SLC9A4: variants seen among roughly 807,000 people sequenced by gnomAD.
The protein encoded by SLC9A4 is sodium/hydrogen exchanger 4.
In SLC9A4, 63 loss-of-function variants were observed where a neutral mutation model predicts 67.4. The observed-to-expected ratio is 0.93, with a 90% CI of 0.76 to 1.15. The LOEUF (loss-of-function observed/expected upper bound fraction) is 1.15. SLC9A4 is among the 50% of genes most tolerant of loss of function. The probability of loss-of-function intolerance (pLI) is 0.00; values close to 1 mark genes in which losing one functional copy is unlikely to be tolerated. For missense variants in SLC9A4, 1,089 were observed against 987.7 expected (o/e 1.10, Z -1.38); for synonymous variants, 393 against 367.2 (o/e 1.07, Z -0.80).
intron 9 of SLC9A4, among the ~76,000 whole-genome samples, chr2:102,522,415 G>A (rs1322756615): frequency 2.0e-5 from 3 of 152,128 alleles, no homozygotes; most frequent in Non-Finnish European, 2.9e-5. Flanking sequence ...GGAGAGGAGC[G>A]AAGACACTTG....
chr2:102,527,852 G>A (rs899071601), intron 11 of SLC9A4, among the ~76,000 whole-genome samples: 6 of 151,950 alleles, frequency 3.9e-5, no homozygotes, highest in African/African-American at 1.2e-4. Flanking sequence ...TTCACATTTT[G>A]GAAACAATGA....
chr2:102,518,094 G>T (rs1054984843), intron 8 of SLC9A4, among the ~76,000 whole-genome samples: 1 of 152,108 alleles, frequency 6.6e-6, no homozygotes, highest in Non-Finnish European at 1.5e-5. Flanking sequence ...CCATAGCTGC[G>T]GCTTCTCAGT....
intron 2 of SLC9A4, among the ~76,000 whole-genome samples, chr2:102,491,317 C>CTTTT (rs61708027): frequency 2.0e-4 from 9 of 45,762 alleles, no homozygotes; most frequent in African/African-American, 2.1e-4. Flanking sequence ...TGTACTAATG[C>CTTTT]TTTTTTTTTT....
rs2104445040 is a variant in SLC9A4 at position 102,519,915 on chromosome 2, G to A, written c.1778G>A (p.Arg593Lys). 3 of 1,613,798 alleles carry A rather than the reference G, an allele frequency of 1.9e-6. No homozygotes were observed. Among genetic ancestry groups the A allele is most frequent in the East Asian group, 4.5e-5 (2 of 44,874 alleles). ...TCCCCTGAAGATGTGGAGTCCATAA[G>A]GGACATTCTGACATCCAACATGTAC... ...RLSPEDVESI[R>K]DILTSNMYQV... Residue 593 changes from arginine (R) to lysine (K), a missense_variant, in exon 9 of 12, where the codon AGG becomes AAG. Transcript: ENST00000295269.
chr2:102,524,917 T>C (rs1674627199), intron 9 of SLC9A4, 107 bp from the exon 10 acceptor site: 1 of 1,341,920 alleles, frequency 7.5e-7, no homozygotes, highest in Non-Finnish European at 1.0e-6. Context: ...ACCTCCAAGG[T>C]GCTCACCTGT....
At chr2:102,479,579 T>G (rs949227143) in intron 2 of SLC9A4, among the ~76,000 whole-genome samples, 4 of 152,228 alleles carry the variant, frequency 2.6e-5, no homozygotes, top group Admixed American at 1.3e-4. Context: ...TTAAATGTAC[T>G]TTTTCACTTA....
At chr2:102,507,555 G>A (rs1685075134) in intron 4 of SLC9A4, among the ~76,000 whole-genome samples, 1 of 151,884 alleles carries the variant, frequency 6.6e-6, no homozygotes, top group Non-Finnish European at 1.5e-5. Context: ...TTCCTTCTTT[G>A]CTTGCATTGA....
At chr2:102,503,809 A>G (rs1434410018) in intron 3 of SLC9A4, 102 bp downstream of exon 3, 2 of 1,440,940 alleles carry the variant, frequency 1.4e-6, no homozygotes, top group Non-Finnish European at 1.9e-6. Flanking sequence ...AATGACGCTA[A>G]CCCTCCAACA....
intron 1 of SLC9A4, among the ~76,000 whole-genome samples, chr2:102,476,881 G>A (rs1172868123): frequency 6.6e-6 from 1 of 152,178 alleles, no homozygotes; most frequent in East Asian, 1.9e-4. Context: ...GAAATAAGCA[G>A]TGATTAGAAA....
At chr2:102,505,231 C>CT in intron 3 of SLC9A4, 23 bp from the exon 4 acceptor site, 3 of 1,606,770 alleles carry the variant, frequency 1.9e-6, no homozygotes, top group Non-Finnish European at 1.7e-6. Flanking sequence ...TGGATTTTCT[C>CT]TGAGACTCTG....
chr2:102,478,886 C>G lies in SLC9A4; in HGVS notation c.304C>G (p.Leu102Val). The change falls in exon 2 of 12, where the codon CTC becomes GTC. Residue 102 changes from leucine to valine, a missense_variant. By Grantham distance (32) the Leu-to-Val change is conservative (BLOSUM62 1). Transcript: ENST00000295269. ...RLPGLMPESCLLILVGALVGG... is the reference protein window; with the variant it reads ...RLPGLMPESCVLILVGALVGG... ...GCCAGGCCTCATGCCAGAAAGCTGC[C>G]TCCTCATCCTGGTGGGGGCGCTGGT... is the stretch of plus-strand genomic sequence containing the variant. 1.2e-6 allele frequency: 2 copies of G among 1,614,198 alleles called. 1 individual carries two copies. Among genetic ancestry groups the G allele is most frequent in the South Asian group, 2.2e-5 (2 of 91,082 alleles).
At chr2:102,505,536 C>A (rs184229235) in intron 4 of SLC9A4, 65 bp downstream of exon 4, 6 of 1,509,612 alleles carry the variant, frequency 4.0e-6, no homozygotes, top group Non-Finnish European at 5.5e-6. Context: ...TATTCCCTTC[C>A]GCAATGTTAA....
rs201354927 is a variant in SLC9A4 at position 102,483,204 on chromosome 2, A to G, written c.720+3902A>G. 2.0e-4 allele frequency among the ~76,000 whole-genome samples: 31 copies of G among 152,284 alleles called. No individual in the cohort carries two copies. In the East Asian group the frequency reaches 5.6e-3, roughly 27 times the overall value. ...GCTCCGTGGGGTTGTCCACACTTCA[A>G]TCTTGGGCCACTCTGTGGTCACCCA... is the stretch of plus-strand genomic sequence containing the variant. On this transcript the variant is annotated intron_variant, in intron 2 of 11. Coordinates refer to ENST00000295269, the MANE Select transcript of SLC9A4 (RefSeq NM_001011552.4).
chr2:102,499,728 T>G (rs1684884022), intron 2 of SLC9A4, among the ~76,000 whole-genome samples: 1 of 152,196 alleles, frequency 6.6e-6, no homozygotes, highest in Admixed American at 6.5e-5. Flanking sequence ...GCAAGCCTAT[T>G]ATAACCTTCT....
chr2:102,523,413 G>A (rs374465275), intron 9 of SLC9A4, among the ~76,000 whole-genome samples: 6 of 152,122 alleles, frequency 3.9e-5, no homozygotes, highest in Non-Finnish European at 5.9e-5. Flanking sequence ...ACTGCAAGCC[G>A]ATGAAACCGA....
chr2:102,513,274 G>A (rs1685204126), intron 7 of SLC9A4, among the ~76,000 whole-genome samples: 1 of 152,136 alleles, frequency 6.6e-6, no homozygotes, highest in Non-Finnish European at 1.5e-5. Flanking sequence ...ACCCTGGAGG[G>A]GCTTAGCACC....
intron 1 of SLC9A4, among the ~76,000 whole-genome samples, chr2:102,475,287 T>G (rs1684304252): frequency 6.6e-6 from 1 of 152,240 alleles, no homozygotes; most frequent in Non-Finnish European, 1.5e-5. Context: ...TGATCTTACT[T>G]GGTACTTGAG....
chr2:102,504,620 T>C (rs1685011354), intron 3 of SLC9A4, among the ~76,000 whole-genome samples: 1 of 152,268 alleles, frequency 6.6e-6, no homozygotes, highest in Non-Finnish European at 1.5e-5. Context: ...TTTCCAGCTA[T>C]TCAGGCAGAT....
intron 2 of SLC9A4, among the ~76,000 whole-genome samples, chr2:102,497,943 G>A (rs972663295): frequency 2.6e-5 from 4 of 152,148 alleles, no homozygotes; most frequent in Non-Finnish European, 4.4e-5. Context: ...TGTTAAAAGG[G>A]CTTTGCAAAC....
Sources: gnomAD v4.1 joint callset for allele counts (sites outside exome capture counted in the v4.1 genomes callset) on GRCh38, gnomAD v4.1.1 for gene constraint, MANE v1.5 for transcripts, NCBI Gene and HGNC (gene_info 2026-07-23, HGNC 2026-07-21) for gene names.